The following KPNA6 variants were observed in gnomAD, a reference collection of about 807,000 sequenced individuals.
The protein encoded by KPNA6 is importin subunit alpha-7.
In KPNA6, 9 loss-of-function variants were observed where a neutral mutation model predicts 72.0. That is an observed-to-expected ratio of 0.13 (90% CI 0.08 to 0.22). The LOEUF (loss-of-function observed/expected upper bound fraction) is 0.22, where lower values mean the gene tolerates loss of function less well. Among genes scored for constraint, KPNA6 ranks in the 10% least tolerant of loss-of-function variants. The pLI is 1.00. For missense variants in KPNA6, 374 were observed against 655.7 expected (o/e 0.57, Z 4.69); for synonymous variants, 219 against 242.1 (o/e 0.90, Z 0.89).
Position 32,158,263 on chromosome 1 carries a change from C to G in KPNA6, c.332-4C>G, listed in dbSNP as rs191720283. 2.9e-5 allele frequency: 46 copies of G among 1,602,540 alleles called. No individual in the cohort carries two copies. In the African/African-American group the frequency reaches 5.9e-4, roughly 21 times the overall value. ...GTTTTTATTTTCCCTTCTCCCTTAT[C>G]CAGAGCCTAGTCCTCCAATAGATGA... On this transcript the variant is annotated splice_polypyrimidine_tract_variant and splice_region_variant and intron_variant, in intron 4 of 13. Transcript: ENST00000373625.
intron 1 of KPNA6, among the ~76,000 whole-genome samples, chr1:32,134,725 G>T (rs1350379631): frequency 6.6e-6 from 1 of 151,536 alleles, no homozygotes; most frequent in Non-Finnish European, 1.5e-5. Flanking sequence ...CTAAGTGAAA[G>T]AAGCCAGTCA....
rs536150851 is a variant in KPNA6, at chr1:32,171,674, G to C, written c.*780G>C. The C allele has an allele frequency of 4.6e-5, 7 of 152,314 alleles. No individual in the cohort carries two copies. In the East Asian group the frequency reaches 1.3e-3, roughly 29 times the overall value. 9.4% of individuals were successfully genotyped at this position (152,314 alleles called of 1,614,324 possible). ...TGAAGTGTCTCAAGTATACCAGTGG[G>C]AGTGCAGGGGAGGAGCACAGGCCTT... is the stretch of plus-strand genomic sequence containing the variant. On this transcript the variant is annotated 3_prime_UTR_variant, in exon 14 of 14. Coordinates refer to ENST00000373625, the MANE Select transcript of KPNA6 (RefSeq NM_012316.5).
intron 1 of KPNA6, among the ~76,000 whole-genome samples, chr1:32,139,462 G>A (rs1321871580): frequency 6.6e-6 from 1 of 151,998 alleles, no homozygotes; most frequent in Non-Finnish European, 1.5e-5. Context: ...ATATATATAT[G>A]TTTTTTTCTC....
chr1:32,132,620 C>T (rs531584026), intron 1 of KPNA6, among the ~76,000 whole-genome samples: 6 of 152,238 alleles, frequency 3.9e-5, no homozygotes, highest in Admixed American at 3.9e-4. Flanking sequence ...ATATGGGGTC[C>T]CAGCCCAGCG....
At chr1:32,150,194 A>C (rs532531377) in intron 1 of KPNA6, among the ~76,000 whole-genome samples, 57 of 138,696 alleles carry the variant, frequency 4.1e-4, no homozygotes, top group Non-Finnish European at 7.7e-4. Flanking sequence ...GTGCAGTAGC[A>C]TGATCTTGGC....
At chr1:32,132,875 C>T (rs761324345) in intron 1 of KPNA6, among the ~76,000 whole-genome samples, 67 of 152,074 alleles carry the variant, frequency 4.4e-4, no homozygotes, top group Admixed American at 2.4e-3. Context: ...TGCACTCCAG[C>T]CTGGGCGACA....
At chr1:32,166,036 CAA>C (rs1209466242) in intron 10 of KPNA6, 67 bp from the exon 11 acceptor site, 29 of 1,435,854 alleles carry the variant, frequency 2.0e-5, no homozygotes, top group Admixed American at 1.9e-4. Context: ...ACAACAACAA[CAA>C]AAAAACATAA....
intron 1 of KPNA6, among the ~76,000 whole-genome samples, chr1:32,146,997 A>T (rs566269425): frequency 6.6e-6 from 1 of 152,116 alleles, no homozygotes; most frequent in South Asian, 2.1e-4. Context: ...CTGGGACTGC[A>T]GGTGCATACC....
rs1642221782 is a variant in KPNA6, at chr1:32,160,714, A to C, written c.647+11A>C. ...TAATCCTTTGTTAACGTGAGTAATT[A>C]TAATCATCTGTACCTGGGCGTCTAC... On this transcript the variant is annotated intron_variant, in intron 7 of 13. Coordinates refer to ENST00000373625, the MANE Select transcript of KPNA6 (RefSeq NM_012316.5). 1.2e-6 allele frequency: 2 copies of C among 1,606,060 alleles called. No homozygotes were observed. The highest frequency in any genetic ancestry group is 1.7e-6 in the Non-Finnish European group (2 of 1,172,686).
chr1:32,154,712 A>G lies in KPNA6; in HGVS notation c.129A>G (p.Arg43=), dbSNP rs2124059275. The G allele has an allele frequency of 6.2e-7, 1 of 1,614,092 alleles. No homozygotes were observed. Among genetic ancestry groups the G allele is most frequent in the East Asian group, 2.2e-5 (1 of 44,878 alleles). Residue 43 remains arginine (R), a synonymous_variant, in exon 2 of 14, where the codon CGA becomes CGG. Transcript: ENST00000373625. ...GCATTCAGCTCCGGAAGCAGAAGCG[A>G]GAGCAACAAGTGAGTTAATGGGAGT... ...EEGIQLRKQK[R]EQQLFKRRNV...
At chr1:32,130,715 A>G (rs1025948299) in intron 1 of KPNA6, among the ~76,000 whole-genome samples, 3 of 151,794 alleles carry the variant, frequency 2.0e-5, no homozygotes, top group Admixed American at 6.6e-5. Flanking sequence ...GAACCCCAAG[A>G]TGGCACCACT....
intron 1 of KPNA6, among the ~76,000 whole-genome samples, chr1:32,129,169 C>CTTT (rs568094887): frequency 7.7e-6 from 1 of 129,770 alleles, no homozygotes. Context: ...TTTTTTCTTT[C>CTTT]TTTTTTTTTT....
chr1:32,133,119 A>G (rs1293352349), intron 1 of KPNA6, among the ~76,000 whole-genome samples: 2 of 152,052 alleles, frequency 1.3e-5, no homozygotes, highest in East Asian at 3.9e-4. Flanking sequence ...TAAGGCAGGC[A>G]GATCACTTGA....
At chr1:32,112,448 CTTAAG>C (rs1345281818) in intron 1 of KPNA6, among the ~76,000 whole-genome samples, 1 of 152,120 alleles carries the variant, frequency 6.6e-6, no homozygotes, top group Non-Finnish European at 1.5e-5. Context: ...ACTGTAGTCT[CTTAAG>C]TGTGCAATAA....
chr1:32,115,221 G>C (rs1024426219), intron 1 of KPNA6, among the ~76,000 whole-genome samples: 1 of 150,854 alleles, frequency 6.6e-6, no homozygotes, highest in African/African-American at 2.4e-5. Context: ...CTACAAGCTC[G>C]GCCTCCCGGG....
At chr1:32,120,553 A>T (rs979697161) in intron 1 of KPNA6, among the ~76,000 whole-genome samples, 13 of 149,766 alleles carry the variant, frequency 8.7e-5, no homozygotes, top group Non-Finnish European at 1.8e-4. Flanking sequence ...CAGCCAATTA[A>T]TTTTTTTAAT....
chr1:32,155,668 G>A (rs934919285), intron 2 of KPNA6, among the ~76,000 whole-genome samples: 2 of 150,886 alleles, frequency 1.3e-5, no homozygotes, highest in African/African-American at 2.4e-5. Context: ...GCACTCCTAC[G>A]CCACCCCGCC....
chr1:32,170,523 C>T (rs939041564), intron 13 of KPNA6, among the ~76,000 whole-genome samples, 184 bp from the exon 14 acceptor site: 1 of 152,152 alleles, frequency 6.6e-6, no homozygotes, highest in Non-Finnish European at 1.5e-5. Flanking sequence ...GGTCTCTTTC[C>T]TTTGGGATTC....
At chr1:32,158,478 A>G (rs1642183546) in intron 5 of KPNA6, 117 bp downstream of exon 5, 2 of 616,030 alleles carry the variant, frequency 3.2e-6, no homozygotes, top group Non-Finnish European at 5.8e-6. Context: ...ATTTGAAATA[A>G]GCAAATCATG....
Sources: gnomAD v4.1 joint callset for allele counts (sites outside exome capture counted in the v4.1 genomes callset) on GRCh38, gnomAD v4.1.1 for gene constraint, MANE v1.5 for transcripts, NCBI Gene and HGNC (gene_info 2026-07-23, HGNC 2026-07-21) for gene names.